TRPM3: variants seen among roughly 807,000 people sequenced by gnomAD.
TRPM3 encodes long transient receptor potential channel 3.
In TRPM3, 77 loss-of-function variants were observed where a neutral mutation model predicts 181.2. That is an observed-to-expected ratio of 0.42 (90% CI 0.35 to 0.51). TRPM3 has a LOEUF of 0.51. Among genes scored for constraint, TRPM3 ranks in the 20% least tolerant of loss-of-function variants. The pLI is 0.01. For missense variants in TRPM3, 1,759 were observed against 2,196.7 expected (o/e 0.80, Z 3.98); for synonymous variants, 745 against 796.4 (o/e 0.94, Z 1.09).
At chr9:70,912,704 G>A (rs2096550322) in intron 1 of TRPM3, among the ~76,000 whole-genome samples, 1 of 152,070 alleles carries the variant, frequency 6.6e-6, no homozygotes, top group Non-Finnish European at 1.5e-5. Flanking sequence ...AGAAAGCCTG[G>A]AAAACACAAT....
intron 1 of TRPM3, among the ~76,000 whole-genome samples, chr9:70,979,369 A>T (rs940808346): frequency 1.3e-5 from 2 of 152,216 alleles, no homozygotes; most frequent in Admixed American, 6.5e-5. Flanking sequence ...AGGTGAATAT[A>T]ATGCATTGTT....
At chr9:71,106,949 C>A (rs1363131726) in intron 1 of TRPM3, among the ~76,000 whole-genome samples, 2 of 152,112 alleles carry the variant, frequency 1.3e-5, no homozygotes, top group African/African-American at 4.8e-5. Flanking sequence ...CTGAGCAATT[C>A]CCACATTTAA....
At position 70,618,848 on chromosome 9, in the gene TRPM3, C is replaced by A; in HGVS notation, c.2358+19G>T. Reference sequence around the variant, plus strand: ...CCGCCGGTCCTCATAGCCAGGAGGGCCTTATTGGGCGCCCTGACCTTGAGG... The same window carrying A: ...CCGCCGGTCCTCATAGCCAGGAGGGACTTATTGGGCGCCCTGACCTTGAGG... On this transcript the variant is annotated intron_variant, in intron 17 of 25. Coordinates refer to ENST00000677713, the MANE Select transcript of TRPM3 (RefSeq NM_001366145.2). 6.2e-7 allele frequency: 1 copy of A among 1,600,132 alleles called. No individual in the cohort carries two copies. Among genetic ancestry groups the A allele is most frequent in the Non-Finnish European group, 8.5e-7 (1 of 1,178,330 alleles).
intron 1 of TRPM3, among the ~76,000 whole-genome samples, chr9:71,079,822 C>T (rs888257064): frequency 1.3e-5 from 2 of 152,094 alleles, no homozygotes; most frequent in African/African-American, 4.8e-5. Context: ...CCGCACTGCC[C>T]ACATTACCCC....
intron 1 of TRPM3, among the ~76,000 whole-genome samples, chr9:71,412,299 G>A (rs2093565675): frequency 6.6e-6 from 1 of 152,112 alleles, no homozygotes; most frequent in South Asian, 2.1e-4. Flanking sequence ...ACTACCATCA[G>A]AATGAACAGG....
At chr9:71,422,742 AC>A (rs891997897) in intron 1 of TRPM3, among the ~76,000 whole-genome samples, 1 of 151,962 alleles carries the variant, frequency 6.6e-6, no homozygotes, top group African/African-American at 2.4e-5. Context: ...TCTTACAGTT[AC>A]CCTTTGAAAA....
intron 1 of TRPM3, among the ~76,000 whole-genome samples, chr9:71,272,234 G>A (rs1175791881): frequency 6.6e-6 from 1 of 152,140 alleles, no homozygotes; most frequent in Non-Finnish European, 1.5e-5. Flanking sequence ...CAAGAAAATA[G>A]AATTGGTATT....
At chr9:71,294,490 A>T (rs932714029) in intron 1 of TRPM3, among the ~76,000 whole-genome samples, 1 of 152,098 alleles carries the variant, frequency 6.6e-6, no homozygotes, top group Non-Finnish European at 1.5e-5. Context: ...ATTGAGGAGG[A>T]TATAAAGCTC....
chr9:70,812,752 T>C (rs1467945323), intron 6 of TRPM3, among the ~76,000 whole-genome samples: 1 of 152,186 alleles, frequency 6.6e-6, no homozygotes, highest in Non-Finnish European at 1.5e-5. Flanking sequence ...GGCATGCTGG[T>C]ATTTTCAGCT....
intron 1 of TRPM3, among the ~76,000 whole-genome samples, chr9:71,172,412 T>A (rs944020669): frequency 3.9e-5 from 6 of 151,942 alleles, no homozygotes; most frequent in Non-Finnish European, 7.4e-5. Flanking sequence ...AAGTCATAAT[T>A]TTTTTGTTTT....
chr9:70,971,599 G>A (rs541935401), intron 1 of TRPM3, among the ~76,000 whole-genome samples: 3 of 152,164 alleles, frequency 2.0e-5, no homozygotes, highest in South Asian at 4.2e-4. Context: ...ATGAGTATTA[G>A]TAAAAACTCA....
intron 1 of TRPM3, among the ~76,000 whole-genome samples, chr9:71,275,748 T>C (rs1272089872): frequency 6.6e-6 from 1 of 152,212 alleles, no homozygotes; most frequent in East Asian, 1.9e-4. Context: ...CCTAGTTGTT[T>C]GTTAGAACAA....
chr9:70,802,829 A>G (rs1294425518), intron 6 of TRPM3, among the ~76,000 whole-genome samples: 2 of 152,122 alleles, frequency 1.3e-5, no homozygotes, highest in African/African-American at 4.8e-5. Flanking sequence ...TACATTTACT[A>G]TTTGGTGCTT....
At position 70,549,680 on chromosome 9, in the gene TRPM3, G is replaced by GAAA. The variant is rs76157078; in HGVS notation, c.3575-9_3575-7dup. On this transcript the variant is annotated splice_region_variant and splice_polypyrimidine_tract_variant and intron_variant, in intron 24 of 25. Coordinates refer to ENST00000677713, the MANE Select transcript of TRPM3 (RefSeq NM_001366145.2). ...ATCATCGGTTATGAAGAGTTCTGTG[G>GAAA]AAAAAAAAAAAAAGGAAGTCTTGAG... 2.6e-5 allele frequency: 33 copies of GAAA among 1,246,638 alleles called. No individual in the cohort carries two copies. The highest frequency in any genetic ancestry group is 1.4e-4 in the South Asian group (9 of 66,396). The allele number at this position is 1,246,638 out of a possible 1,614,324, so 77.2% of individuals were successfully genotyped here.
chr9:71,301,230 C>T (rs1228293746), intron 1 of TRPM3, among the ~76,000 whole-genome samples: 1 of 152,144 alleles, frequency 6.6e-6, no homozygotes, highest in Non-Finnish European at 1.5e-5. Flanking sequence ...GCAAGTGACA[C>T]AGCACCCTGT....
At chr9:71,343,842 T>G (rs2091121146) in intron 1 of TRPM3, among the ~76,000 whole-genome samples, 1 of 152,076 alleles carries the variant, frequency 6.6e-6, no homozygotes, top group Non-Finnish European at 1.5e-5. Context: ...TGGGTCATCT[T>G]ATTAAACCAG....
intron 1 of TRPM3, among the ~76,000 whole-genome samples, chr9:71,376,964 A>C (rs2092681889): frequency 6.6e-6 from 1 of 152,122 alleles, no homozygotes; most frequent in Non-Finnish European, 1.5e-5. Flanking sequence ...AATTCAAAAA[A>C]CTATACAAAT....
intron 1 of TRPM3, among the ~76,000 whole-genome samples, chr9:71,023,701 T>TAAA (rs201859225): frequency 7.9e-6 from 1 of 125,874 alleles, no homozygotes; most frequent in Non-Finnish European, 1.7e-5. Context: ...TGATGCTGAG[T>TAAA]AAAAAAAAAA....
chr9:70,990,931 T>C (rs776994559), intron 1 of TRPM3, among the ~76,000 whole-genome samples: 4 of 152,170 alleles, frequency 2.6e-5, no homozygotes, highest in Admixed American at 6.6e-5. Context: ...AGGGTACCTA[T>C]TTATAGACAC....
Sources: allele counts gnomAD v4.1 joint callset (sites outside exome capture counted in the v4.1 genomes callset), GRCh38; gene constraint gnomAD v4.1.1; transcripts MANE v1.5; gene names NCBI Gene and HGNC (gene_info 2026-07-23, HGNC 2026-07-21).